Variants in PCDHA7 observed in about 807,000 individuals in gnomAD.
The protein encoded by PCDHA7 is protocadherin alpha-7.
PCDHA7 carries 37 observed loss-of-function variants against 57.2 expected under a neutral mutation model. That is an observed-to-expected ratio of 0.65 (90% CI 0.50 to 0.85). The LOEUF is 0.85. Ranked by LOEUF, PCDHA7 falls within the 40% of genes least tolerant of loss-of-function variation. PCDHA7 has a pLI of 0.00. For missense variants in PCDHA7, 1,188 were observed against 1,241.8 expected (o/e 0.96, Z 0.65); for synonymous variants, 553 against 558.8 (o/e 0.99, Z 0.15).
chr5:140,879,948 C>T (rs1025902128), intron 1 of PCDHA7, among the ~76,000 whole-genome samples: 1 of 152,168 alleles, frequency 6.6e-6, no homozygotes, highest in Non-Finnish European at 1.5e-5. Context: ...ATTTAGGGCC[C>T]ATCTGGATAA....
Position 141,009,969 on chromosome 5 carries a change from GT to G in PCDHA7, c.*37del, listed in dbSNP as rs2098415622. On this transcript the variant is annotated 3_prime_UTR_variant, in exon 4 of 4. Coordinates refer to ENST00000525929, the MANE Select transcript of PCDHA7 (RefSeq NM_018910.3). ...CAAATGGAAACAAGCCACTTAGCCA[GT>G]TTTTGTAATAATGGCAAATCTCTCC... 6.3e-7 allele frequency: 1 copy of G among 1,586,478 alleles called. No homozygotes were observed. The highest frequency in any genetic ancestry group is 1.8e-5 in the Admixed American group (1 of 54,174).
chr5:140,871,298 C>G (rs987284077), intron 1 of PCDHA7: 1 of 1,613,894 alleles, frequency 6.2e-7, no homozygotes, highest in Non-Finnish European at 8.5e-7. Flanking sequence ...GGCGCGTGCG[C>G]GCCGGGGAAG....
chr5:140,855,864 G>A, intron 1 of PCDHA7: 6 of 775,890 alleles, frequency 7.7e-6, no homozygotes, highest in African/African-American at 1.7e-5. Context: ...TGTCGCTGTC[G>A]TCCACAAAAT....
At chr5:140,962,932 TC>T (rs1188109186) in intron 1 of PCDHA7, among the ~76,000 whole-genome samples, 20 of 152,266 alleles carry the variant, frequency 1.3e-4, no homozygotes, top group African/African-American at 4.3e-4. Flanking sequence ...CTTCTCAACC[TC>T]CTCTCCATAA....
intron 1 of PCDHA7, among the ~76,000 whole-genome samples, chr5:140,942,781 A>G (rs1554215214): frequency 6.6e-6 from 1 of 152,214 alleles, no homozygotes; most frequent in Admixed American, 6.5e-5. Context: ...TTTAGGCAGA[A>G]TATTACAAAG....
chr5:140,874,280 C>T (rs1317233709), intron 1 of PCDHA7, among the ~76,000 whole-genome samples: 3 of 152,146 alleles, frequency 2.0e-5, no homozygotes, highest in Admixed American at 6.5e-5. Flanking sequence ...AATAGACTTA[C>T]AAAATCTATG....
intron 1 of PCDHA7, among the ~76,000 whole-genome samples, chr5:140,972,667 T>G (rs1442293512): frequency 1.3e-5 from 2 of 149,086 alleles, no homozygotes; most frequent in East Asian, 3.9e-4. Context: ...CAAATTTTTT[T>G]TTTTTTTTTT....
At chr5:140,866,291 T>A (rs1193667769) in intron 1 of PCDHA7, 1 of 152,138 alleles carries the variant, frequency 6.6e-6, no homozygotes, top group Non-Finnish European at 1.5e-5. Flanking sequence ...TTGGGACAAG[T>A]ATAGATGTTG....
intron 1 of PCDHA7, chr5:140,869,236 G>T (rs781873875): frequency 6.2e-7 from 1 of 1,613,674 alleles, no homozygotes; most frequent in South Asian, 1.1e-5. Context: ...CGGCACCTTC[G>T]TGGGCCGCAT....
intron 1 of PCDHA7, chr5:140,857,553 C>A: frequency 1.3e-6 from 2 of 1,597,008 alleles, no homozygotes; most frequent in Non-Finnish European, 1.7e-6. Flanking sequence ...GGCGAGCGCT[C>A]GCTGTCGAGC....
chr5:140,994,102 A>G (rs2097596379), intron 3 of PCDHA7, among the ~76,000 whole-genome samples: 1 of 152,194 alleles, frequency 6.6e-6, no homozygotes, highest in African/African-American at 2.4e-5. Context: ...TGATGGAAAT[A>G]TTACATTGTC....
chr5:140,885,641 T>G (rs917089389), intron 1 of PCDHA7, among the ~76,000 whole-genome samples: 10 of 152,200 alleles, frequency 6.6e-5, no homozygotes, highest in Admixed American at 6.5e-4. Context: ...GCCTTCCAAG[T>G]ATTTTGGAAC....
At chr5:140,870,285 C>G (rs1315531348) in intron 1 of PCDHA7, 1 of 1,614,108 alleles carries the variant, frequency 6.2e-7, no homozygotes, top group Non-Finnish European at 8.5e-7. Flanking sequence ...ACGTTCCCTT[C>G]AAGCTGGTGT....
At chr5:140,995,946 C>A (rs2097705145) in intron 3 of PCDHA7, among the ~76,000 whole-genome samples, 1 of 152,192 alleles carries the variant, frequency 6.6e-6, no homozygotes, top group South Asian at 2.1e-4. Flanking sequence ...TGACATAATG[C>A]ACGCAAAATG....
In PCDHA7 at chr5:140,886,468, T is replaced by C. The variant is rs138596929; in HGVS notation, c.2355+49730T>C. The stretch of plus-strand genomic sequence containing the variant: ...TAATTTTGTCATATATAAATGTTTT[T>C]AAAATGTATGAATTAAAATATATCT... On this transcript the variant is annotated intron_variant, in intron 1 of 3. Coordinates refer to ENST00000525929, the MANE Select transcript of PCDHA7 (RefSeq NM_018910.3). Among the ~76,000 whole-genome samples, 1,063 of 152,318 alleles carry C rather than the reference T, an allele frequency of 7.0e-3. 10 individuals carry two copies. Among genetic ancestry groups the C allele is most frequent in the Non-Finnish European group, 0.012 (787 of 68,024 alleles).
At chr5:140,957,780 G>A (rs2095383354) in intron 1 of PCDHA7, among the ~76,000 whole-genome samples, 1 of 152,020 alleles carries the variant, frequency 6.6e-6, no homozygotes, top group Non-Finnish European at 1.5e-5. Context: ...TAAAAACTAA[G>A]TTCATCATAT....
intron 1 of PCDHA7, chr5:140,929,324 T>C (rs781810168): frequency 1.2e-5 from 19 of 1,540,130 alleles, no homozygotes; most frequent in Non-Finnish European, 3.5e-6. Context: ...GTCAATGCCA[T>C]GGTAAGCAAA....
intron 1 of PCDHA7, chr5:140,877,636 C>T (rs1554169939): frequency 1.2e-6 from 2 of 1,613,640 alleles, no homozygotes; most frequent in Admixed American, 1.7e-5. Context: ...CACTGCGCTG[C>T]GTTGCTCAGC....
intron 3 of PCDHA7, among the ~76,000 whole-genome samples, chr5:141,004,046 C>A (rs79317939): frequency 0.03 from 4,581 of 152,294 alleles, 86 homozygotes; most frequent in Non-Finnish European, 0.047. Flanking sequence ...TGATCATTTG[C>A]TGATACTGGC....
Sources: gnomAD v4.1 joint callset for allele counts (sites outside exome capture counted in the v4.1 genomes callset) on GRCh38, gnomAD v4.1.1 for gene constraint, MANE v1.5 for transcripts, NCBI Gene and HGNC (gene_info 2026-07-23, HGNC 2026-07-21) for gene names.